The following AGBL4 variants were observed in gnomAD, a reference collection of about 807,000 sequenced individuals.
AGBL4 encodes the protein AGBL carboxypeptidase 4, also known as cytosolic carboxypeptidase 6.
A neutral mutation model predicts 66.4 loss-of-function variants in AGBL4; 58 were observed. The ratio of observed to expected loss-of-function variants is 0.87; its 90% CI spans 0.71 to 1.09. The LOEUF (loss-of-function observed/expected upper bound fraction) is 1.09, where lower values mean the gene tolerates loss of function less well. Ranked by LOEUF, AGBL4 falls within the 50% of genes least tolerant of loss-of-function variation. The pLI is 0.00. For missense variants in AGBL4, 579 were observed against 631.0 expected, an observed-to-expected ratio of 0.92 and a Z score of 0.88; for synonymous variants, 234 against 222.9, an observed-to-expected ratio of 1.05 and a Z score of -0.44.
At chr1:49,035,557 G>A (rs188012745) in intron 5 of AGBL4, among the ~76,000 whole-genome samples, 16 of 152,202 alleles carry the variant, frequency 1.1e-4, no homozygotes, top group Admixed American at 7.9e-4. Context: ...GTGCATGCTT[G>A]AGCCCACTCA....
chr1:49,799,703 A>T (rs992364495), intron 2 of AGBL4, among the ~76,000 whole-genome samples: 2 of 152,166 alleles, frequency 1.3e-5, no homozygotes, highest in Non-Finnish European at 2.9e-5. Context: ...CTAAGCCAAA[A>T]AGATGGTCAC....
intron 6 of AGBL4, among the ~76,000 whole-genome samples, chr1:48,759,594 C>CCTTT (rs1644145487): frequency 6.6e-6 from 1 of 152,240 alleles, no homozygotes; most frequent in African/African-American, 2.4e-5. Context: ...GACCACCCTT[C>CCTTT]CCAACTCCCC....
chr1:49,552,313 C>A (rs1018651812), intron 3 of AGBL4, among the ~76,000 whole-genome samples: 2 of 152,164 alleles, frequency 1.3e-5, no homozygotes, highest in African/African-American at 4.8e-5. Flanking sequence ...CAGGTTCTGG[C>A]CGGGAGGATT....
In AGBL4 at chr1:49,045,780, T is replaced by G; in HGVS notation, c.398A>C (p.Asn133Thr). ...GTCCGGGCAGCGGTAGTAGTAAACA[T>G]TTTTGGGTGGCAGCCTTTGCCTAAA... Reference protein sequence around the residue: ...RPKWQRLPPKNVYYYRCPDHR... With the variant: ...RPKWQRLPPKTVYYYRCPDHR... Residue 133 changes from asparagine (N) to threonine (T), a missense_variant, in exon 5 of 14, where the codon AAT becomes ACT. Physicochemically the swap from Asn to Thr is moderately conservative, Grantham distance 65. Coordinates refer to ENST00000371839, the MANE Select transcript of AGBL4 (RefSeq NM_032785.4). 1 of 1,550,846 alleles carries G rather than the reference T, an allele frequency of 6.4e-7. No individual in the cohort carries two copies. The highest frequency in any genetic ancestry group is 2.4e-5 in the East Asian group (1 of 40,916).
intron 3 of AGBL4, among the ~76,000 whole-genome samples, chr1:49,365,232 G>A (rs1644221020): frequency 6.6e-6 from 1 of 152,088 alleles, no homozygotes; most frequent in Admixed American, 6.5e-5. Context: ...GAAATGGCAT[G>A]AGTTTTGGAA....
intron 2 of AGBL4, among the ~76,000 whole-genome samples, chr1:49,716,242 GTCAAAGA>G (rs1228436239): frequency 6.6e-6 from 1 of 152,070 alleles, no homozygotes; most frequent in Non-Finnish European, 1.5e-5. Context: ...TGTCAGGTTT[GTCAAAGA>G]TCAGATGGTT....
At chr1:49,976,432 GATT>G (rs1658563687) in intron 1 of AGBL4, among the ~76,000 whole-genome samples, 1 of 152,086 alleles carries the variant, frequency 6.6e-6, no homozygotes, top group South Asian at 2.1e-4. Flanking sequence ...TCCTAGTAGA[GATT>G]ATAAATAAAA....
intron 4 of AGBL4, among the ~76,000 whole-genome samples, chr1:49,064,289 C>G (rs2147918063): frequency 6.6e-6 from 1 of 152,086 alleles, no homozygotes; most frequent in East Asian, 1.9e-4. Flanking sequence ...TAAATGACTC[C>G]TTCTCTGTTG....
At chr1:49,560,273 A>G (rs1157514009) in intron 3 of AGBL4, among the ~76,000 whole-genome samples, 4 of 152,104 alleles carry the variant, frequency 2.6e-5, no homozygotes, top group African/African-American at 9.7e-5. Flanking sequence ...CTAAATAAAG[A>G]GACAGAGATA....
chr1:49,563,955 A>G (rs1249402798), intron 3 of AGBL4, among the ~76,000 whole-genome samples: 2 of 152,072 alleles, frequency 1.3e-5, no homozygotes, highest in African/African-American at 4.8e-5. Flanking sequence ...TTTTCTGGTT[A>G]GTAAGCTATT....
chr1:49,795,235 G>T (rs1406350480), intron 2 of AGBL4, among the ~76,000 whole-genome samples: 1 of 151,586 alleles, frequency 6.6e-6, no homozygotes, highest in Non-Finnish European at 1.5e-5. Flanking sequence ...AAGTATATGA[G>T]GACTTTCATT....
intron 3 of AGBL4, chr1:49,423,069 T>C (rs990265532): frequency 1.3e-5 from 2 of 152,162 alleles, no homozygotes; most frequent in South Asian, 2.1e-4. Flanking sequence ...TTACCTCCAA[T>C]AGGATGCAAA....
intron 3 of AGBL4, among the ~76,000 whole-genome samples, chr1:49,268,418 ACACACACACAC>A (rs1411994339): frequency 2.0e-5 from 1 of 49,454 alleles, no homozygotes; most frequent in Non-Finnish European, 8.7e-5. Context: ...AAACACACAC[ACACACACACAC>A]ACACACACAC....
intron 5 of AGBL4, among the ~76,000 whole-genome samples, chr1:48,957,211 C>T (rs1438419780): frequency 1.3e-5 from 2 of 152,160 alleles, no homozygotes; most frequent in African/African-American, 2.4e-5. Flanking sequence ...TCCACACTTT[C>T]AAACTGTATA....
At chr1:49,969,371 G>C (rs923422554) in intron 1 of AGBL4, among the ~76,000 whole-genome samples, 11 of 152,052 alleles carry the variant, frequency 7.2e-5, no homozygotes, top group African/African-American at 2.7e-4. Flanking sequence ...GTGTCTGTGT[G>C]AGTGTGTGTG....
At chr1:48,701,139 C>T (rs1646793877) in intron 6 of AGBL4, among the ~76,000 whole-genome samples, 1 of 152,136 alleles carries the variant, frequency 6.6e-6, no homozygotes, top group African/African-American at 2.4e-5. Context: ...GCTCAAGCTG[C>T]CTCCTGCTTG....
In AGBL4 at chr1:48,539,874, T is replaced by G. The variant is rs1049950337; in HGVS notation, c.1268-136A>C. On this transcript the variant is annotated intron_variant, in intron 11 of 13. Transcript: ENST00000371839. ...TCTAAGCTTTTTGTATGCGCTGTCT[T>G]TTTTGATCCTTGAAAAACCTTAAAT... The G allele has an allele frequency of 7.8e-6, 4 of 513,194 alleles. No homozygotes were observed. The Admixed American group carries it at 1.3e-4, about 16-fold the overall frequency. The allele number at this position is 513,194 out of a possible 1,614,324, so 31.8% of individuals were successfully genotyped here.
rs2148248440 is a variant in AGBL4 at position 48,532,898 on chromosome 1, A to T, written c.*1275T>A. 1 of 152,370 alleles carries T rather than the reference A, an allele frequency of 6.6e-6. No homozygotes were observed. The highest frequency in any genetic ancestry group is 1.9e-4 in the East Asian group (1 of 5,186). 9.4% of individuals were successfully genotyped at this position (152,370 alleles called of 1,614,324 possible). A position where few individuals can be genotyped will look rare whatever the true frequency, so the allele number is the denominator to read the frequency against. Reference sequence around the variant, plus strand: ...GTGTTCCTCTGGGCAAAACGAACCCAGGGGAGAAGCTGTATATACAACATG... The same window carrying T: ...GTGTTCCTCTGGGCAAAACGAACCCTGGGGAGAAGCTGTATATACAACATG... On this transcript the variant is annotated 3_prime_UTR_variant, in exon 14 of 14. Transcript: ENST00000371839.
At chr1:49,475,170 C>T (rs1048165345) in intron 3 of AGBL4, among the ~76,000 whole-genome samples, 2 of 151,954 alleles carry the variant, frequency 1.3e-5, no homozygotes, top group African/African-American at 2.4e-5. Context: ...TTATCGCATG[C>T]TTTTCCTGCA....
Sources: allele counts gnomAD v4.1 joint callset (sites outside exome capture counted in the v4.1 genomes callset), GRCh38; gene constraint gnomAD v4.1.1; transcripts MANE v1.5; gene names NCBI Gene and HGNC (gene_info 2026-07-23, HGNC 2026-07-21).